The following SLC6A16 variants were observed in gnomAD, a reference collection of about 807,000 sequenced individuals.
SLC6A16 encodes orphan sodium- and chloride-dependent neurotransmitter transporter NTT5.
SLC6A16 carries 54 observed loss-of-function variants against 65.4 expected under a neutral mutation model. The observed-to-expected ratio is 0.83, with a 90% confidence interval of 0.66 to 1.04. The LOEUF is 1.04. SLC6A16 is among the 50% of genes least tolerant of loss of function. The probability of loss-of-function intolerance (pLI) is 0.00; values close to 1 mark genes in which losing one functional copy is unlikely to be tolerated. For synonymous variants in SLC6A16, 330 were observed against 346.5 expected (o/e 0.95, Z 0.53); for missense variants, 816 against 914.0 (o/e 0.89, Z 1.38).
chr19:49,309,015 T>G lies in SLC6A16; in HGVS notation c.1090A>C (p.Met364Leu). ...LGSVASLASYMPQSNNCLSDA... is the reference protein window; with the variant it reads ...LGSVASLASYLPQSNNCLSDA... ...CTGAGACAGTTGTTGGACTGGGGCA[T>G]GTAGGAGGCTAAGGAGGCAACGGAG... is the stretch of plus-strand genomic sequence containing the variant. The change falls in exon 7 of 12, where the codon ATG becomes CTG. Residue 364 changes from methionine to leucine, a missense_variant. By Grantham distance (15) the Met-to-Leu change is conservative (BLOSUM62 2). Transcript: ENST00000335875. 6.2e-7 allele frequency: 1 copy of G among 1,614,040 alleles called. No homozygotes were observed. Among genetic ancestry groups the G allele is most frequent in the South Asian group, 1.1e-5 (1 of 91,074 alleles).
Position 49,308,735 on chromosome 19 carries a change from C to T in SLC6A16, c.1229+141G>A. 3 of 878,210 alleles carry T rather than the reference C, an allele frequency of 3.4e-6. No individual in the cohort carries two copies. The East Asian group carries it at 7.3e-5, about 21-fold the overall frequency. The allele number at this position is 878,210 out of a possible 1,614,324, so 54.4% of individuals were successfully genotyped here. Reference sequence around the variant, plus strand: ...GAGATTCTATTGTCTCCATTTTTAGCTATGGGGAAGGTAGAGGGCTTGCAA... The same window carrying T: ...GAGATTCTATTGTCTCCATTTTTAGTTATGGGGAAGGTAGAGGGCTTGCAA... On this transcript the variant is annotated intron_variant, in intron 7 of 11. Coordinates refer to ENST00000335875, the MANE Select transcript of SLC6A16 (RefSeq NM_014037.3).
At chr19:49,335,484 C>T in the SLC6A16 span, 2 of 1,207,804 alleles carry the variant, frequency 1.7e-6, no homozygotes, top group Admixed American at 3.4e-5. This position sits in a 1 kb window ranked among gnomAD's most constrained non-coding sequence, Gnocchi z 4.6. Context: ...CCCTGTCTCC[C>T]CCACTGTCAG....
At chr19:49,335,458 C>A in the SLC6A16 span, 1 of 988,168 alleles carries the variant, frequency 1.0e-6, no homozygotes, top group South Asian at 1.3e-5. The surrounding 1 kb of genome is among the most constrained non-coding windows in gnomAD (Gnocchi z 4.6). Context: ...CTTTCTCTCT[C>A]AGCCTCTTTC....
the SLC6A16 span, chr19:49,336,906 C>G: frequency 6.2e-7 from 1 of 1,614,008 alleles, no homozygotes; most frequent in South Asian, 1.1e-5. Context: ...TCACCTCTCC[C>G]AGGCTTGGCC....
chr19:49,334,789 A>G, the SLC6A16 span, among the ~76,000 whole-genome samples: 1 of 152,184 alleles, frequency 6.6e-6, no homozygotes, highest in East Asian at 1.9e-4. Context: ...GCTACTCAGA[A>G]GGCAGAGGTG....
At chr19:49,306,797 C>T (rs1970397335) in intron 7 of SLC6A16, among the ~76,000 whole-genome samples, 1 of 152,052 alleles carries the variant, frequency 6.6e-6, no homozygotes. Context: ...CTGCCTCAGC[C>T]TCCCAAAGTG....
chr19:49,294,476 T>C lies in SLC6A16; in HGVS notation c.1307A>G (p.Tyr436Cys), dbSNP rs1297983582. 2.5e-6 allele frequency: 4 copies of C among 1,613,938 alleles called. No homozygotes were observed. The South Asian group carries it at 4.4e-5, about 18-fold the overall frequency. The part of the protein sequence containing the change: ...PDAKPPVNLL[Y>C]NPTSIYNAWL... ...GGCATTGTAGATGGAGGTTGGGTTGTAAAGCAGGTTGACAGGGGGCTTGGC... is the reference window on the plus strand; with the variant it reads ...GGCATTGTAGATGGAGGTTGGGTTGCAAAGCAGGTTGACAGGGGGCTTGGC... The change falls in exon 8 of 12, where the codon TAC becomes TGC. Residue 436 changes from tyrosine to cysteine, a missense_variant. Physicochemically the swap from Tyr to Cys is radical, Grantham distance 194. Coordinates refer to ENST00000335875, the MANE Select transcript of SLC6A16 (RefSeq NM_014037.3).
the SLC6A16 span, chr19:49,337,337 G>A: frequency 9.9e-7 from 1 of 1,012,130 alleles, no homozygotes; most frequent in Non-Finnish European, 1.5e-6. Context: ...CCTAGATAAA[G>A]AGAAATAAGA....
At chr19:49,329,531 C>T (rs1204768105), upstream of SLC6A16, among the ~76,000 whole-genome samples, 1 of 151,890 alleles carries the variant, frequency 6.6e-6, no homozygotes, top group Non-Finnish European at 1.5e-5. Context: ...ACCTGTAGTC[C>T]CAGCACTTTG....
At chr19:49,296,844 C>T (rs1264222708) in intron 7 of SLC6A16, among the ~76,000 whole-genome samples, 1 of 152,080 alleles carries the variant, frequency 6.6e-6, no homozygotes, top group African/African-American at 2.4e-5. Context: ...CAAAAATTAG[C>T]CAAGCGTGAT....
In SLC6A16 at chr19:49,290,009, T is replaced by C; in HGVS notation, c.*114A>G. On this transcript the variant is annotated 3_prime_UTR_variant, in exon 12 of 12. Transcript: ENST00000335875. ...ACACCCCCAAAGAATGCCCCTCCTC[T>C]TGGAAATAAAAGTGGTTCTGGATCC... 1 of 1,141,014 alleles carries C rather than the reference T, an allele frequency of 8.8e-7. No individual in the cohort carries two copies. The highest frequency in any genetic ancestry group is 2.4e-5 in the East Asian group (1 of 42,128). 70.7% of individuals were successfully genotyped at this position (1,141,014 alleles called of 1,614,324 possible).
intron 7 of SLC6A16, among the ~76,000 whole-genome samples, chr19:49,304,512 T>C (rs1019951836): frequency 2.0e-5 from 3 of 152,304 alleles, no homozygotes; most frequent in South Asian, 2.1e-4. Flanking sequence ...AAGCCTGTAA[T>C]CTCAGCACTT....
intron 7 of SLC6A16, among the ~76,000 whole-genome samples, chr19:49,298,757 T>TA (rs1443832189): frequency 7.2e-5 from 11 of 152,310 alleles, no homozygotes; most frequent in Admixed American, 6.5e-4. Flanking sequence ...CATGTACTCA[T>TA]ATGTTTATCA....
At chr19:49,300,843 G>T (rs1218624544) in intron 7 of SLC6A16, among the ~76,000 whole-genome samples, 1 of 152,100 alleles carries the variant, frequency 6.6e-6, no homozygotes, top group African/African-American at 2.4e-5. Flanking sequence ...CTTGAGGTCA[G>T]GAGTTCGAGA....
At chr19:49,315,049 AC>A (rs1568538381) in intron 1 of SLC6A16, among the ~76,000 whole-genome samples, 1 of 151,728 alleles carries the variant, frequency 6.6e-6, no homozygotes, top group African/African-American at 2.4e-5. Context: ...AAAAAAAAAA[AC>A]CAATGATTTT....
the SLC6A16 span, among the ~76,000 whole-genome samples, chr19:49,331,460 G>A: frequency 8.8e-4 from 134 of 152,268 alleles, 1 homozygote; most frequent in African/African-American, 3.0e-3. Context: ...GGAATTACAG[G>A]CATGAGCCAC....
chr19:49,333,405 G>A, the SLC6A16 span, among the ~76,000 whole-genome samples: 3 of 152,030 alleles, frequency 2.0e-5, no homozygotes, highest in Admixed American at 6.5e-5. Context: ...CCCAGGAGGC[G>A]GAGGTTGCAG....
chr19:49,320,779 C>T (rs952815475), intron 1 of SLC6A16, among the ~76,000 whole-genome samples: 4 of 152,092 alleles, frequency 2.6e-5, no homozygotes, highest in African/African-American at 9.7e-5. Context: ...ATTAAATGGA[C>T]AAATTCCTAG....
upstream of SLC6A16, among the ~76,000 whole-genome samples, chr19:49,328,416 G>C (rs1457560590): frequency 6.6e-6 from 1 of 152,170 alleles, no homozygotes; most frequent in East Asian, 1.9e-4. Context: ...GGATTATGAA[G>C]ATTATAATTC....
Sources: gnomAD v4.1 joint callset for allele counts (sites outside exome capture counted in the v4.1 genomes callset) on GRCh38, gnomAD v4.1.1 for gene constraint, Gnocchi (gnomAD v3.1) non-coding constraint, MANE v1.5 for transcripts, NCBI Gene and HGNC (gene_info 2026-07-23, HGNC 2026-07-21) for gene names.